Variants in CFAP263 observed in about 807,000 individuals in gnomAD.
The protein encoded by CFAP263 is cilia and flagella associated protein 263.
the CFAP263 span, chr16:58,280,926 T>C: frequency 4.9e-6 from 3 of 608,590 alleles, no homozygotes; most frequent in Non-Finnish European, 8.4e-6. Context: ...CACCACAAAT[T>C]CCAACAAGAT....
chr16:58,263,586 T>A, the CFAP263 span, among the ~76,000 whole-genome samples: 1 of 152,206 alleles, frequency 6.6e-6, no homozygotes, highest in Non-Finnish European at 1.5e-5. Flanking sequence ...GGGCTTTGTT[T>A]GGCCCACACA....
At chr16:58,265,377 G>A in the CFAP263 span, among the ~76,000 whole-genome samples, 2 of 152,208 alleles carry the variant, frequency 1.3e-5, no homozygotes, top group African/African-American at 4.8e-5. Context: ...TGAAGCATGA[G>A]GAGAAATGGC....
the CFAP263 span, among the ~76,000 whole-genome samples, chr16:58,261,218 C>G: frequency 6.6e-6 from 1 of 152,152 alleles, no homozygotes; most frequent in Non-Finnish European, 1.5e-5. Flanking sequence ...TCTCCAAGTG[C>G]TCAGGGCTGC....
chr16:58,278,573 A>G, the CFAP263 span: 3 of 1,614,222 alleles, frequency 1.9e-6, no homozygotes, highest in East Asian at 4.5e-5. Flanking sequence ...GTCCGGGAGA[A>G]GATCTTAAAT....
the CFAP263 span, among the ~76,000 whole-genome samples, chr16:58,276,203 C>A: frequency 1.3e-5 from 2 of 152,098 alleles, no homozygotes; most frequent in Admixed American, 6.5e-5. Context: ...CTACCTCACT[C>A]GTAATACAAG....
the CFAP263 span, among the ~76,000 whole-genome samples, chr16:58,253,259 TA>T: frequency 2.0e-5 from 3 of 152,116 alleles, no homozygotes; most frequent in South Asian, 6.2e-4. Flanking sequence ...TATGCACCTG[TA>T]GTTTTAGCTA....
At chr16:58,253,885 G>A in the CFAP263 span, 1 of 1,099,694 alleles carries the variant, frequency 9.1e-7, no homozygotes, top group Non-Finnish European at 1.4e-6. Flanking sequence ...TGTTCTCCCT[G>A]GCTGTCACTC....
the CFAP263 span, chr16:58,250,155 T>C: frequency 1.6e-6 from 2 of 1,287,296 alleles, no homozygotes. Context: ...CTCTTCCTCC[T>C]AGGCCCTCCT....
chr16:58,280,225 T>C, the CFAP263 span: 4 of 1,607,408 alleles, frequency 2.5e-6, no homozygotes, highest in Non-Finnish European at 3.4e-6. Context: ...GCTCCTGGAC[T>C]AGATACTGCT....
the CFAP263 span, among the ~76,000 whole-genome samples, chr16:58,272,218 A>G: frequency 9.2e-5 from 14 of 151,924 alleles, no homozygotes; most frequent in Non-Finnish European, 1.8e-4. Context: ...GGGTTTCACC[A>G]CGTTAGCCAG....
the CFAP263 span, among the ~76,000 whole-genome samples, chr16:58,251,874 TAAG>T: frequency 5.9e-4 from 90 of 152,350 alleles, no homozygotes; most frequent in Non-Finnish European, 8.4e-4. Context: ...TATGAGAAGT[TAAG>T]AAGTTAAAAA....
the CFAP263 span, chr16:58,250,545 G>C: frequency 6.4e-6 from 1 of 155,452 alleles, no homozygotes; most frequent in African/African-American, 2.4e-5. Flanking sequence ...CGGACGGATC[G>C]CTTGAGGTCA....
At chr16:58,262,783 A>ATAGATAGATAGATAGATAGATAGATAGG in the CFAP263 span, among the ~76,000 whole-genome samples, 1 of 150,912 alleles carries the variant, frequency 6.6e-6, no homozygotes. Context: ...AGATAGATAG[A>ATAGATAGATAGATAGATAGATAGATAGG]TAGATAGATA....
At chr16:58,277,627 A>AC in the CFAP263 span, among the ~76,000 whole-genome samples, 88,213 of 151,978 alleles carry the variant, frequency 0.58, 26,570 homozygotes, top group African/African-American at 0.73. Flanking sequence ...TGTTGACAGC[A>AC]CCATTCTTCA....
the CFAP263 span, among the ~76,000 whole-genome samples, chr16:58,263,655 C>T: frequency 5.1e-4 from 77 of 152,238 alleles, no homozygotes; most frequent in African/African-American, 1.7e-3. Context: ...CAACATTTTC[C>T]TTTTACAAAT....
At chr16:58,269,963 T>C in the CFAP263 span, among the ~76,000 whole-genome samples, 1 of 152,256 alleles carries the variant, frequency 6.6e-6, no homozygotes, top group Admixed American at 6.5e-5. Context: ...ATTCCCACAA[T>C]GTATGAGAGG....
chr16:58,267,309 C>T, the CFAP263 span, among the ~76,000 whole-genome samples: 14 of 152,286 alleles, frequency 9.2e-5, no homozygotes, highest in African/African-American at 2.9e-4. Context: ...CTCTCCTCCC[C>T]CACCAGTTCT....
At chr16:58,275,278 G>A in the CFAP263 span, among the ~76,000 whole-genome samples, 3 of 148,002 alleles carry the variant, frequency 2.0e-5, no homozygotes, top group African/African-American at 5.0e-5. Context: ...GGAGTCTGCA[G>A]CTCCCAAGTG....
At chr16:58,279,937 G>A in the CFAP263 span, 43 of 647,172 alleles carry the variant, frequency 6.6e-5, no homozygotes, top group Non-Finnish European at 1.1e-4. Flanking sequence ...CCCATGGGGA[G>A]TGTTTTCACA....
Sources: gnomAD v4.1 joint callset for allele counts (sites outside exome capture counted in the v4.1 genomes callset) on GRCh38, gnomAD v4.1.1 for gene constraint, MANE v1.5 for transcripts, NCBI Gene and HGNC (gene_info 2026-07-23, HGNC 2026-07-21) for gene names.